PCDHA5: variants seen among roughly 807,000 people sequenced by gnomAD.
PCDHA5 encodes the protein protocadherin alpha 5.
A neutral mutation model predicts 61.6 loss-of-function variants in PCDHA5; 43 were observed. The observed-to-expected ratio is 0.70, with a 90% CI of 0.55 to 0.90. PCDHA5 has a LOEUF of 0.90. Among genes scored for constraint, PCDHA5 ranks in the 40% least tolerant of loss-of-function variants. The probability of loss-of-function intolerance (pLI) is 0.00; values close to 1 mark genes in which losing one functional copy is unlikely to be tolerated. For synonymous variants in PCDHA5, 627 were observed against 543.9 expected (o/e 1.15, Z -2.13); for missense variants, 1,298 against 1,222.7 (o/e 1.06, Z -0.92).
At position 140,857,921 on chromosome 5, in the gene PCDHA5, C is replaced by A. The variant is rs1554150855; in HGVS notation, c.2352+33794C>A. On this transcript the variant is annotated intron_variant, in intron 1 of 3. Coordinates refer to ENST00000529859, the MANE Select transcript of PCDHA5 (RefSeq NM_018908.3). ...TGCACGCATCCCGTTTCGCGTGGGG[C>A]TGTACACGGGCGAGATCAGTACGAC... 4 of 1,597,628 alleles carry A rather than the reference C, an allele frequency of 2.5e-6. No homozygotes were observed. The Admixed American group carries it at 6.7e-5, about 27-fold the overall frequency.
chr5:140,975,759 A>G (rs1420459945), intron 1 of PCDHA5, among the ~76,000 whole-genome samples: 1 of 152,248 alleles, frequency 6.6e-6, no homozygotes, highest in Non-Finnish European at 1.5e-5. Context: ...TCTATGTCAT[A>G]AATCACAGAT....
At chr5:140,833,425 G>A (rs2150208347) in intron 1 of PCDHA5, among the ~76,000 whole-genome samples, 8,936 of 152,186 alleles carry the variant, frequency 0.059, 863 homozygotes, top group African/African-American at 0.2. Flanking sequence ...TATGTGAGAT[G>A]GCTGAGCACT....
chr5:140,967,017 C>T, intron 1 of PCDHA5: 1 of 1,606,892 alleles, frequency 6.2e-7, no homozygotes, highest in Non-Finnish European at 8.5e-7. Context: ...CATCTGGGTG[C>T]GCCCAGTCCG....
At chr5:140,977,862 A>G (rs142967836) in intron 1 of PCDHA5, among the ~76,000 whole-genome samples, 3 of 152,372 alleles carry the variant, frequency 2.0e-5, no homozygotes, top group African/African-American at 7.2e-5. Context: ...TCTACCAAAT[A>G]TGGTAAGTAT....
intron 1 of PCDHA5, among the ~76,000 whole-genome samples, chr5:140,932,550 A>T (rs552367725): frequency 2.6e-5 from 4 of 152,058 alleles, no homozygotes; most frequent in Admixed American, 2.0e-4. Context: ...TTTAACATAC[A>T]TTCCACAAGT....
At chr5:140,974,724 C>T (rs893225073) in intron 1 of PCDHA5, among the ~76,000 whole-genome samples, 11 of 152,168 alleles carry the variant, frequency 7.2e-5, no homozygotes, top group Admixed American at 2.6e-4. Flanking sequence ...TGCTCTCGAA[C>T]TCCTGTCTCC....
intron 1 of PCDHA5, chr5:140,877,728 G>A: frequency 1.2e-6 from 2 of 1,614,164 alleles, no homozygotes; most frequent in Non-Finnish European, 1.7e-6. Context: ...CTTACTCGCA[G>A]CAGAGGAGGC....
chr5:140,833,965 G>GA (rs2150212449), intron 1 of PCDHA5, among the ~76,000 whole-genome samples: 3 of 152,008 alleles, frequency 2.0e-5, no homozygotes, highest in Admixed American at 6.6e-5. Context: ...AAAACTGTGT[G>GA]AAAAAAAAGT....
chr5:140,981,943 G>A (rs1207723761), intron 2 of PCDHA5, among the ~76,000 whole-genome samples: 2 of 152,116 alleles, frequency 1.3e-5, no homozygotes, highest in Non-Finnish European at 2.9e-5. Flanking sequence ...GGAAATATAG[G>A]GTGGGTCATC....
chr5:140,870,426 C>A (rs574302735), intron 1 of PCDHA5: 1 of 1,614,090 alleles, frequency 6.2e-7, no homozygotes, highest in Non-Finnish European at 8.5e-7. Context: ...CCAGGGTATC[C>A]GTGGAGGTGG....
At chr5:140,893,575 T>C (rs930167579) in intron 1 of PCDHA5, among the ~76,000 whole-genome samples, 6 of 152,220 alleles carry the variant, frequency 3.9e-5, no homozygotes, top group Non-Finnish European at 7.3e-5. Flanking sequence ...CCTCAGTTTT[T>C]GCTTGTTTGG....
chr5:140,926,830 G>T (rs2083580756), intron 1 of PCDHA5: 2 of 1,503,958 alleles, frequency 1.3e-6, no homozygotes, highest in Non-Finnish European at 1.8e-6. Context: ...CAGGAGTCCG[G>T]AGCATGGTCC....
rs148283153 is a variant in PCDHA5, at chr5:140,857,227, G to C, written c.2352+33100G>C. On this transcript the variant is annotated intron_variant, in intron 1 of 3. Transcript: ENST00000529859. ...CCTGCTCTCTGACGCCTCACGTTCCGTTCAAGCTGGTGTCCACCTACAAGA... is the reference window on the plus strand; with the variant it reads ...CCTGCTCTCTGACGCCTCACGTTCCCTTCAAGCTGGTGTCCACCTACAAGA... 3.1e-6 allele frequency: 5 copies of C among 1,598,446 alleles called. 1 individual carries two copies. Among genetic ancestry groups the C allele is most frequent in the South Asian group, 1.1e-5 (1 of 90,546 alleles).
chr5:140,875,291 T>C, intron 1 of PCDHA5: 2 of 1,397,914 alleles, frequency 1.4e-6, no homozygotes, highest in Non-Finnish European at 1.9e-6. Flanking sequence ...AACAGGAAAA[T>C]TTTTTTCTCC....
intron 1 of PCDHA5, among the ~76,000 whole-genome samples, chr5:140,965,255 G>C (rs1426270395): frequency 1.3e-5 from 2 of 152,196 alleles, no homozygotes; most frequent in Non-Finnish European, 2.9e-5. Context: ...ATTCAGAACT[G>C]AGCAGCAGAG....
At position 140,843,576 on chromosome 5, in the gene PCDHA5, A is replaced by G; in HGVS notation, c.2352+19449A>G. The G allele has an allele frequency of 1.9e-6, 3 of 1,595,922 alleles. 1 individual carries two copies. Among genetic ancestry groups the G allele is most frequent in the Non-Finnish European group, 2.6e-6 (3 of 1,165,492 alleles). On this transcript the variant is annotated intron_variant, in intron 1 of 3. Coordinates refer to ENST00000529859, the MANE Select transcript of PCDHA5 (RefSeq NM_018908.3). Reference sequence around the variant, plus strand: ...GCGGTGGGGAGCTGGTCATACTCGCAACAACAGCCGCAGAGGGTGTGCTCT... The same window carrying G: ...GCGGTGGGGAGCTGGTCATACTCGCGACAACAGCCGCAGAGGGTGTGCTCT...
rs1284722647 is a variant in PCDHA5, at chr5:140,822,989, C to T, written c.1214C>T (p.Ser405Leu). 6.2e-7 allele frequency: 1 copy of T among 1,614,244 alleles called. No homozygotes were observed. The highest frequency in any genetic ancestry group is 1.7e-5 in the Admixed American group (1 of 60,036). The change falls in exon 1 of 4, where the codon TCG becomes TTG. Residue 405 changes from serine to leucine, a missense_variant. Transcript: ENST00000529859. ...GTGTCCACCTTCAAGAATTACTACTCGTTGGTGCTGGACAGCGCCCTGGAC... is the reference window on the plus strand; with the variant it reads ...GTGTCCACCTTCAAGAATTACTACTTGTTGGTGCTGGACAGCGCCCTGGAC... ...KLVSTFKNYYSLVLDSALDRE... is the reference protein window; with the variant it reads ...KLVSTFKNYYLLVLDSALDRE...
At chr5:140,835,828 C>T (rs2150246076) in intron 1 of PCDHA5, 2 of 1,612,490 alleles carry the variant, frequency 1.2e-6, no homozygotes, top group South Asian at 1.1e-5. Context: ...GCGGGGGACG[C>T]GGACGCGCAG....
Position 140,885,214 on chromosome 5 carries a change from T to A in PCDHA5, c.2352+61087T>A, listed in dbSNP as rs550824585. On this transcript the variant is annotated intron_variant, in intron 1 of 3. Coordinates refer to ENST00000529859, the MANE Select transcript of PCDHA5 (RefSeq NM_018908.3). ...CCCCTCTCATATATCCCATGAAAAATATCTTGTGATTCTGCTTTCAATTTT... is the reference window on the plus strand; with the variant it reads ...CCCCTCTCATATATCCCATGAAAAAAATCTTGTGATTCTGCTTTCAATTTT... Among the ~76,000 whole-genome samples the A allele has an allele frequency of 2.8e-3, 423 of 152,168 alleles. 2 individuals carry two copies. The highest frequency in any genetic ancestry group is 0.014 in the Middle Eastern group (4 of 294).
Sources: allele counts gnomAD v4.1 joint callset (sites outside exome capture counted in the v4.1 genomes callset), GRCh38; gene constraint gnomAD v4.1.1; transcripts MANE v1.5; gene names NCBI Gene and HGNC (gene_info 2026-07-23, HGNC 2026-07-21).